The following EML1 variants were observed in gnomAD, a reference collection of about 807,000 sequenced individuals.
The protein encoded by EML1 is echinoderm microtubule-associated protein-like 1.
A neutral mutation model predicts 110.4 loss-of-function variants in EML1; 27 were observed. That is an observed-to-expected ratio of 0.24 (90% CI 0.18 to 0.34). The LOEUF (loss-of-function observed/expected upper bound fraction) is 0.34, where lower values mean the gene tolerates loss of function less well. Ranked by LOEUF, EML1 falls within the 10% of genes least tolerant of loss-of-function variation. The pLI is 1.00. For synonymous variants in EML1, 344 were observed against 385.8 expected (o/e 0.89, Z 1.27); for missense variants, 741 against 1,030.9 (o/e 0.72, Z 3.85).
intron 1 of EML1, among the ~76,000 whole-genome samples, chr14:99,814,346 G>A (rs150625254): frequency 1.3e-5 from 2 of 152,052 alleles, no homozygotes; most frequent in Admixed American, 1.3e-4. Context: ...CATGATCCTG[G>A]CTCACTATAA....
At chr14:99,771,277 C>T (rs543789301), upstream of EML1, among the ~76,000 whole-genome samples, 7 of 152,332 alleles carry the variant, frequency 4.6e-5, no homozygotes, top group East Asian at 1.4e-3. Flanking sequence ...CATTAATCTA[C>T]TTCCTGTCTC....
At chr14:99,881,170 CAGGAAGGCTAGTT>C (rs1381253987) in intron 4 of EML1, among the ~76,000 whole-genome samples, 2 of 152,206 alleles carry the variant, frequency 1.3e-5, no homozygotes, top group Non-Finnish European at 2.9e-5. Context: ...CTCTTCCACT[CAGGAAGGCTAGTT>C]AGGGTGCATG....
intron 1 of EML1, among the ~76,000 whole-genome samples, chr14:99,814,295 A>G (rs935829263): frequency 6.6e-6 from 1 of 152,216 alleles, no homozygotes; most frequent in Non-Finnish European, 1.5e-5. Flanking sequence ...TTTAGGGACC[A>G]GATCTCGCTT....
intron 9 of EML1, among the ~76,000 whole-genome samples, chr14:99,903,345 T>C (rs1165391882): frequency 1.3e-5 from 2 of 152,168 alleles, no homozygotes; most frequent in Non-Finnish European, 2.9e-5. Flanking sequence ...TCTATTCTCA[T>C]GTTACAACTT....
intron 17 of EML1, among the ~76,000 whole-genome samples, chr14:99,933,198 T>C (rs1347574479): frequency 2.6e-5 from 4 of 152,162 alleles, no homozygotes; most frequent in African/African-American, 4.8e-5. Flanking sequence ...TTTTTTGAGA[T>C]GGCGTGTCGC....
chr14:99,873,250 T>A (rs1324496833), intron 3 of EML1, among the ~76,000 whole-genome samples: 2 of 152,196 alleles, frequency 1.3e-5, no homozygotes, highest in Non-Finnish European at 2.9e-5. Flanking sequence ...ACAAAAAGCG[T>A]TATTTAAAAA....
chr14:99,878,639 C>G lies in EML1; in HGVS notation c.518+20C>G. On this transcript the variant is annotated intron_variant, in intron 4 of 21. Coordinates refer to ENST00000262233, the MANE Select transcript of EML1 (RefSeq NM_004434.3). The stretch of plus-strand genomic sequence containing the variant: ...TGAAAGGTAAGGACGTCTTATCTCT[C>G]AGTTCCTGCTGTTCAGATATGTTAG... 6.2e-7 allele frequency: 1 copy of G among 1,608,934 alleles called. No homozygotes were observed. The highest frequency in any genetic ancestry group is 8.5e-7 in the Non-Finnish European group (1 of 1,177,608).
intron 15 of EML1, among the ~76,000 whole-genome samples, chr14:99,916,989 C>G (rs2060044524): frequency 6.6e-6 from 1 of 152,146 alleles, no homozygotes; most frequent in Non-Finnish European, 1.5e-5. Context: ...TCCACTGGAT[C>G]AAAACCTAGA....
intron 1 of EML1, among the ~76,000 whole-genome samples, chr14:99,762,018 T>C (rs2140188310): frequency 6.6e-6 from 1 of 151,888 alleles, no homozygotes; most frequent in East Asian, 1.9e-4. Flanking sequence ...AAGGGTAACC[T>C]GATTGGAAAC....
At chr14:99,834,994 A>ACTT (rs1555394297) in intron 1 of EML1, among the ~76,000 whole-genome samples, 2 of 151,246 alleles carry the variant, frequency 1.3e-5, no homozygotes. Context: ...TAATTTTTGT[A>ACTT]TTTTTTTTGT....
intron 9 of EML1, among the ~76,000 whole-genome samples, chr14:99,902,777 G>A (rs953083871): frequency 8.5e-5 from 13 of 152,084 alleles, no homozygotes; most frequent in Middle Eastern, 3.2e-3. Context: ...CTCTTGGGGG[G>A]TCCCAAGATA....
chr14:99,769,480 C>T (rs992395011), upstream of EML1, among the ~76,000 whole-genome samples: 7 of 152,172 alleles, frequency 4.6e-5, no homozygotes, highest in African/African-American at 1.4e-4. Context: ...TGGGCAGGGA[C>T]GCAAGCTCCT....
upstream of EML1, among the ~76,000 whole-genome samples, chr14:99,769,137 G>A (rs1317067784): frequency 6.6e-6 from 1 of 152,152 alleles, no homozygotes; most frequent in African/African-American, 2.4e-5. Flanking sequence ...TACCTAGTAG[G>A]GGAACCAACT....
At chr14:99,805,302 A>G (rs577553661) in intron 1 of EML1, among the ~76,000 whole-genome samples, 1 of 152,294 alleles carries the variant, frequency 6.6e-6, no homozygotes, top group South Asian at 2.1e-4. Context: ...ATTAAATGGT[A>G]CTTTGAGTCG....
At chr14:99,837,438 A>T (rs2058558091) in intron 1 of EML1, among the ~76,000 whole-genome samples, 1 of 152,124 alleles carries the variant, frequency 6.6e-6, no homozygotes, top group Admixed American at 6.6e-5. Context: ...AATCACTGTT[A>T]CTCCATCTTG....
chr14:99,865,507 C>G lies in EML1; in HGVS notation c.251-7C>G, dbSNP rs375498100. 7 of 1,613,420 alleles carry G rather than the reference C, an allele frequency of 4.3e-6. No homozygotes were observed. The highest frequency in any genetic ancestry group is 5.9e-6 in the Non-Finnish European group (7 of 1,179,828). The stretch of plus-strand genomic sequence containing the variant: ...CTTTCTGATATTATTTTCTGCTTGT[C>G]TTACAGCAAGACCACTGATGCAGAC... On this transcript the variant is annotated splice_region_variant and splice_polypyrimidine_tract_variant and intron_variant, in intron 2 of 21. Coordinates refer to ENST00000262233, the MANE Select transcript of EML1 (RefSeq NM_004434.3).
chr14:99,786,118 A>G (rs2057597687), intron 1 of EML1, among the ~76,000 whole-genome samples: 1 of 151,894 alleles, frequency 6.6e-6, no homozygotes, highest in African/African-American at 2.4e-5. Context: ...ATAGAATCAT[A>G]ATATTCAGGT....
At chr14:99,935,423 C>T (rs2060449323) in intron 17 of EML1, among the ~76,000 whole-genome samples, 1 of 151,886 alleles carries the variant, frequency 6.6e-6, no homozygotes, top group Admixed American at 6.6e-5. Flanking sequence ...TGTGATCATA[C>T]CACTGCACTC....
At position 99,783,237 on chromosome 14, in the gene EML1, C is replaced by T. The variant is rs189528806; in HGVS notation, c.-27+9224C>T. On this transcript the variant is annotated intron_variant, in intron 1 of 22. Coordinates refer to the EML1 transcript ENST00000327921. ...ATTCCCACCTATGAGAGAGAACATG[C>T]GGTGTCTGGTTTTTTGTCCTTGCAA... 2.3e-4 allele frequency among the ~76,000 whole-genome samples: 34 copies of T among 147,406 alleles called. 2 individuals are homozygous for T. The highest frequency in any genetic ancestry group is 6.0e-4 in the African/African-American group (24 of 40,040).
Sources: gnomAD v4.1 joint callset for allele counts (sites outside exome capture counted in the v4.1 genomes callset) on GRCh38, gnomAD v4.1.1 for gene constraint, MANE v1.5 for transcripts, NCBI Gene and HGNC (gene_info 2026-07-23, HGNC 2026-07-21) for gene names.